RNF212: variants seen among roughly 807,000 people sequenced by gnomAD.
The protein encoded by RNF212 is ring finger protein 212, also known as probable E3 SUMO-protein ligase RNF212.
In RNF212, 33 loss-of-function variants were observed where a neutral mutation model predicts 34.7. The ratio of observed to expected loss-of-function variants is 0.95; its 90% CI spans 0.72 to 1.27. The LOEUF is 1.27. Among genes scored for constraint, RNF212 ranks in the 50% most tolerant of loss-of-function variants. The pLI is 0.00. For missense variants in RNF212, 377 were observed against 362.2 expected (o/e 1.04, Z -0.33); for synonymous variants, 140 against 136.1 (o/e 1.03, Z -0.20).
chr4:1,071,261 T>TA (rs1452258345), downstream of RNF212, among the ~76,000 whole-genome samples: 6 of 151,908 alleles, frequency 3.9e-5, no homozygotes, highest in Admixed American at 3.9e-4. Context: ...TAAATTATTT[T>TA]AAAAAAACTA....
Position 1,058,275 on chromosome 4 carries a change from CGGGGGTTAGAA to C in RNF212, n.220+35_220+45del. The stretch of plus-strand genomic sequence containing the variant: ...TAGAACGCTGTGAAGAAGGTGCTTG[CGGGGGTTAGAA>C]CGCAGTGAAGAAGGTGCTTGCGGGG... On this transcript the variant is annotated intron_variant and non_coding_transcript_variant, in intron 4 of 4. Coordinates refer to the RNF212 transcript ENST00000503206. 28 of 672,660 alleles carry C rather than the reference CGGGGGTTAGAA, an allele frequency of 4.2e-5. 2 individuals are homozygous for C. Among genetic ancestry groups the C allele is most frequent in the Middle Eastern group, 5.5e-4 (1 of 1,822 alleles). The allele number at this position is 672,660 out of a possible 1,614,324, so 41.7% of individuals were successfully genotyped here.
intron 2 of RNF212, chr4:1,101,271 G>T: frequency 3.0e-6 from 1 of 329,804 alleles, no homozygotes; most frequent in Non-Finnish European, 6.0e-6. Context: ...CTGGTCTTTT[G>T]TCCCTTTCAC....
chr4:1,075,711 T>C (rs1294340570), intron 8 of RNF212, among the ~76,000 whole-genome samples: 3 of 152,230 alleles, frequency 2.0e-5, no homozygotes, highest in African/African-American at 7.2e-5. Context: ...GGTTTCACTG[T>C]CGTCCAGGCT....
At chr4:1,069,798 T>C (rs973847602), downstream of RNF212, among the ~76,000 whole-genome samples, 2 of 152,208 alleles carry the variant, frequency 1.3e-5, no homozygotes, top group African/African-American at 4.8e-5. Context: ...TCGGAACTGT[T>C]GAGGACAAGA....
rs528573112 is a variant in RNF212, at chr4:1,082,103, G to A, written c.363-484C>T. The stretch of plus-strand genomic sequence containing the variant: ...TGTACTACTGCACTCCTGCTTGGGT[G>A]ACAGAGCAAGAACTCATCTCAAAAA... On this transcript the variant is annotated intron_variant, in intron 5 of 9. Coordinates refer to ENST00000433731, the MANE Select transcript of RNF212 (RefSeq NM_001131034.4). 5.1e-5 allele frequency: 8 copies of A among 157,296 alleles called. No homozygotes were observed. The South Asian group carries it at 1.4e-3, about 27-fold the overall frequency. The allele number at this position is 157,296 out of a possible 1,614,324, so 9.7% of individuals were successfully genotyped here.
chr4:1,113,294 G>A (rs1726103781), intron 1 of RNF212, 62 bp downstream of exon 1: 3 of 276,662 alleles, frequency 1.1e-5, no homozygotes, highest in Non-Finnish European at 1.6e-5. Context: ...CCATCCCCCG[G>A]AGTTCCCTGA....
intron 3 of RNF212, among the ~76,000 whole-genome samples, chr4:1,094,394 G>A (rs936176885): frequency 2.0e-5 from 3 of 152,250 alleles, no homozygotes; most frequent in Admixed American, 6.5e-5. Context: ...AATGACCTGC[G>A]TCAGAAGCTG....
intron 3 of RNF212, among the ~76,000 whole-genome samples, chr4:1,094,591 G>A (rs1375129402): frequency 1.3e-5 from 2 of 152,150 alleles, no homozygotes; most frequent in African/African-American, 4.8e-5. Context: ...GGGGCCCATG[G>A]GGCCAACACT....
At chr4:1,096,484 G>A (rs375781084) in intron 3 of RNF212, 8 of 261,904 alleles carry the variant, frequency 3.1e-5, no homozygotes, top group Admixed American at 4.4e-5. Flanking sequence ...TCGGGATAGC[G>A]CACCTGGCTC....
At chr4:1,086,621 A>C (rs1289523985) in intron 4 of RNF212, among the ~76,000 whole-genome samples, 2 of 838 alleles carry the variant, frequency 2.4e-3, no homozygotes, top group African/African-American at 8.9e-3. Flanking sequence ...GGGGTGAGGA[A>C]GGGGTGGGGT....
chr4:1,108,262 C>T (rs4974644), intron 2 of RNF212, 81 bp downstream of exon 2: 848,783 of 957,258 alleles, frequency 0.89, 379,674 homozygotes, highest in East Asian at 1. Flanking sequence ...TTAGACACCA[C>T]AAATGACTAA....
Position 1,093,984 on chromosome 4 carries a change from G to A in RNF212, c.246+2781C>T, listed in dbSNP as rs150642883. The A allele has an allele frequency of 3.8e-3, 5,765 of 1,535,928 alleles. 37 individuals are homozygous for A. Among genetic ancestry groups the A allele is most frequent in the Middle Eastern group, 0.02 (120 of 5,988 alleles). On this transcript the variant is annotated intron_variant, in intron 3 of 9. Transcript: ENST00000433731. ...GAGGATGTGGCTGGGCATAACTTGA[G>A]ACGGCAACAGCCTCGGGAAAGCCTG...
intron 3 of RNF212, among the ~76,000 whole-genome samples, chr4:1,059,357 G>T (rs1305086424): frequency 2.0e-5 from 3 of 152,230 alleles, no homozygotes; most frequent in Non-Finnish European, 2.9e-5. Flanking sequence ...GTCTTACTAG[G>T]CTGTGTGAGT....
rs576065067 is a variant in RNF212, at chr4:1,085,302, C to T, written c.362+594G>A. Among the ~76,000 whole-genome samples the T allele has an allele frequency of 4.6e-5, 7 of 152,316 alleles. No homozygotes were observed. The East Asian group carries it at 9.6e-4, about 21-fold the overall frequency. ...AACTGTATTCAGAACAGATGCAATA[C>T]GGCAAAAGCACGGATGAGCTAAAAT... is the stretch of plus-strand genomic sequence containing the variant. On this transcript the variant is annotated intron_variant, in intron 5 of 9. Transcript: ENST00000433731.
downstream of RNF212, among the ~76,000 whole-genome samples, chr4:1,067,338 G>T (rs886381166): frequency 6.6e-6 from 1 of 151,928 alleles, no homozygotes; most frequent in Non-Finnish European, 1.5e-5. Context: ...AAGACAGCAG[G>T]CACAAATCCA....
intron 1 of RNF212, 44 bp from the exon 2 acceptor site, chr4:1,108,448 C>G: frequency 6.0e-6 from 6 of 998,100 alleles, no homozygotes; most frequent in Non-Finnish European, 7.2e-6. Flanking sequence ...CTGACTACTA[C>G]TTTTAAATAT....
intron 7 of RNF212, among the ~76,000 whole-genome samples, chr4:1,080,535 G>A (rs545052534): frequency 5.9e-5 from 9 of 152,186 alleles, no homozygotes; most frequent in East Asian, 1.9e-4. Context: ...TTCATTGACC[G>A]TACAGATGTA....
chr4:1,068,471 T>C (rs1718235031), downstream of RNF212, among the ~76,000 whole-genome samples: 1 of 152,248 alleles, frequency 6.6e-6, no homozygotes. Flanking sequence ...CATCTTCTGC[T>C]CTACTGTTGC....
chr4:1,074,647 CT>C (rs1434117359), intron 8 of RNF212, among the ~76,000 whole-genome samples: 1 of 152,206 alleles, frequency 6.6e-6, no homozygotes, highest in Non-Finnish European at 1.5e-5. Context: ...ACGGACCCCC[CT>C]GCTTGGCATG....
Sources: gnomAD v4.1 joint callset for allele counts (sites outside exome capture counted in the v4.1 genomes callset) on GRCh38, gnomAD v4.1.1 for gene constraint, MANE v1.5 for transcripts, NCBI Gene and HGNC (gene_info 2026-07-23, HGNC 2026-07-21) for gene names.